The following TC2N variants were observed in gnomAD, a reference collection of about 807,000 sequenced individuals.
TC2N encodes the protein tandem C2 domains, nuclear.
In TC2N, 51 loss-of-function variants were observed where a neutral mutation model predicts 61.9. The observed-to-expected ratio is 0.82, with a 90% CI of 0.66 to 1.04. The LOEUF (loss-of-function observed/expected upper bound fraction) is 1.04. TC2N is among the 50% of genes least tolerant of loss of function. TC2N has a pLI of 0.00. For synonymous variants in TC2N, 204 were observed against 192.6 expected, an observed-to-expected ratio of 1.06 and a Z score of -0.49; for missense variants, 556 against 566.7, an observed-to-expected ratio of 0.98 and a Z score of 0.19.
chr14:91,815,349 T>TGAATAA (rs528757472), intron 1 of TC2N, among the ~76,000 whole-genome samples: 2,282 of 151,712 alleles, frequency 0.015, 52 homozygotes, highest in African/African-American at 0.05. Flanking sequence ...AACTGCATAC[T>TGAATAA]TCATGAATTA....
At chr14:91,835,780 T>G (rs1336459702) in intron 1 of TC2N, among the ~76,000 whole-genome samples, 1 of 152,246 alleles carries the variant, frequency 6.6e-6, no homozygotes, top group Non-Finnish European at 1.5e-5. Flanking sequence ...AAAAACCCTC[T>G]GCGAAGCTCT....
intron 4 of TC2N, among the ~76,000 whole-genome samples, chr14:91,801,040 A>G (rs770834234): frequency 1.1e-4 from 17 of 150,294 alleles, no homozygotes; most frequent in Non-Finnish European, 3.0e-5. Flanking sequence ...ACATATGTAT[A>G]CATATATACA....
Position 91,782,994 on chromosome 14 carries a change from T to C in TC2N, c.*106A>G, listed in dbSNP as rs1595214947. ...TTATATACCATAATTATAGCCCCCA[T>C]AAATTGACAAATTTGTTGATTTGCC... On this transcript the variant is annotated 3_prime_UTR_variant, in exon 12 of 12. Coordinates refer to ENST00000435962, the MANE Select transcript of TC2N (RefSeq NM_001128596.3). 1.4e-6 allele frequency: 1 copy of C among 706,216 alleles called. No individual in the cohort carries two copies. Among genetic ancestry groups the C allele is most frequent in the South Asian group, 1.8e-5 (1 of 54,744 alleles). 43.7% of individuals were successfully genotyped at this position (706,216 alleles called of 1,614,324 possible).
At chr14:91,793,714 G>A (rs1177000303) in intron 8 of TC2N, among the ~76,000 whole-genome samples, 5 of 152,088 alleles carry the variant, frequency 3.3e-5, no homozygotes, top group African/African-American at 1.2e-4. Context: ...GACGGCTCTG[G>A]CAACCAGCTG....
intron 1 of TC2N, among the ~76,000 whole-genome samples, chr14:91,841,976 C>CT (rs10682178): frequency 0.71 from 89,048 of 125,624 alleles, 33,710 homozygotes; most frequent in South Asian, 0.82. Flanking sequence ...TCCCTTCCAC[C>CT]TTTTTTTTTT....
intron 1 of TC2N, among the ~76,000 whole-genome samples, chr14:91,828,200 T>C (rs1887584813): frequency 6.6e-6 from 1 of 152,166 alleles, no homozygotes; most frequent in Non-Finnish European, 1.5e-5. Flanking sequence ...TTTTATATTT[T>C]TTTGTGAAAA....
intron 1 of TC2N, among the ~76,000 whole-genome samples, chr14:91,865,871 G>C (rs952933878): frequency 1.3e-5 from 2 of 151,940 alleles, no homozygotes; most frequent in South Asian, 4.2e-4. Flanking sequence ...CTGGCTAAAG[G>C]TGTTATTAAA....
At chr14:91,840,997 A>G (rs1159709165) in intron 1 of TC2N, among the ~76,000 whole-genome samples, 3 of 152,222 alleles carry the variant, frequency 2.0e-5, no homozygotes, top group Admixed American at 2.0e-4. Context: ...TCATAGCACT[A>G]AAAGGCTGAC....
chr14:91,858,214 A>G (rs1263314915), intron 1 of TC2N, among the ~76,000 whole-genome samples: 11 of 146,162 alleles, frequency 7.5e-5, no homozygotes, highest in Non-Finnish European at 1.0e-4. Flanking sequence ...GCTGGTCTCA[A>G]ACCCCTGGCC....
Position 91,837,680 on chromosome 14 carries a change from T to TG in TC2N, c.-56-23856dup, listed in dbSNP as rs1888073421. Among the ~76,000 whole-genome samples the TG allele has an allele frequency of 6.6e-6, 1 of 152,154 alleles. No individual in the cohort carries two copies. Among genetic ancestry groups the TG allele is most frequent in the Non-Finnish European group, 1.5e-5 (1 of 68,018 alleles). On this transcript the variant is annotated intron_variant, in intron 1 of 11. Coordinates refer to ENST00000435962, the MANE Select transcript of TC2N (RefSeq NM_001128596.3). The surrounding 1 kb of genome is among the most constrained non-coding windows in gnomAD (Gnocchi z 4.2). ...GGTAGATCACCAGATCACATTAATG[T>TG]GGGGGAGAGAGACACAAAATATTTG...
intron 3 of TC2N, among the ~76,000 whole-genome samples, chr14:91,804,217 T>C (rs1294049654): frequency 6.6e-6 from 1 of 152,212 alleles, no homozygotes; most frequent in African/African-American, 2.4e-5. Flanking sequence ...TAGAGGAATG[T>C]AAACGATCAT....
At chr14:91,786,413 T>C (rs1197579608) in intron 10 of TC2N, among the ~76,000 whole-genome samples, 3 of 152,224 alleles carry the variant, frequency 2.0e-5, no homozygotes, top group African/African-American at 4.8e-5. Context: ...TTCCATCTTC[T>C]TTTCATGCTT....
chr14:91,820,396 C>A (rs547925611), intron 1 of TC2N, among the ~76,000 whole-genome samples: 4 of 151,590 alleles, frequency 2.6e-5, no homozygotes, highest in Non-Finnish European at 4.4e-5. Context: ...TCAATAGATA[C>A]AAAAATTTGA....
rs772597714 is a variant in TC2N, at chr14:91,785,241, A to G, written c.1283T>C (p.Ile428Thr). The G allele has an allele frequency of 9.9e-6, 16 of 1,612,842 alleles. No individual in the cohort carries two copies. In the Middle Eastern group the frequency reaches 6.6e-4, roughly 66 times the overall value. The change falls in exon 11 of 12, where the codon ATA becomes ACA. Residue 428 changes from isoleucine to threonine, a missense_variant. Transcript: ENST00000435962. Reference sequence around the variant, plus strand: ...AAAAACAATTTCTTTTTCACTCTGTATAAGTGGAAAAATCATAGTCTCTCC... The same window carrying G: ...AAAAACAATTTCTTTTTCACTCTGTGTAAGTGGAAAAATCATAGTCTCTCC... ...KWGETMIFPL[I>T]QSEKEIVFLI... is the part of the protein sequence containing the mutation.
At chr14:91,807,970 A>G (rs1193471668) in intron 3 of TC2N, among the ~76,000 whole-genome samples, 2 of 152,108 alleles carry the variant, frequency 1.3e-5, no homozygotes, top group Non-Finnish European at 2.9e-5. Flanking sequence ...GTGATAGTGA[A>G]TAAGTCTCAG....
chr14:91,783,155 G>T lies in TC2N; in HGVS notation c.1418C>A (p.Thr473Lys). ...NIEAVNQWKE[T>K]VINPEKVVIR... ...AACAACCTTTTCTGGATTTATTACT[G>T]TCTCTTTCCACTGGTTCACTGCTTC... Residue 473 changes from threonine (T) to lysine (K), a missense_variant, in exon 12 of 12, where the codon ACA becomes AAA. Thr to Lys is a moderately conservative substitution (Grantham distance 78). Coordinates refer to ENST00000435962, the MANE Select transcript of TC2N (RefSeq NM_001128596.3). The T allele has an allele frequency of 6.2e-7, 1 of 1,611,810 alleles. No individual in the cohort carries two copies. The highest frequency in any genetic ancestry group is 8.5e-7 in the Non-Finnish European group (1 of 1,178,616).
At chr14:91,832,967 T>C (rs1887848187) in intron 1 of TC2N, among the ~76,000 whole-genome samples, 1 of 152,166 alleles carries the variant, frequency 6.6e-6, no homozygotes, top group African/African-American at 2.4e-5. Context: ...AGCAAAGCCA[T>C]AGGATTCACA....
At chr14:91,816,872 T>G (rs750904754) in intron 1 of TC2N, among the ~76,000 whole-genome samples, 1 of 151,962 alleles carries the variant, frequency 6.6e-6, no homozygotes, top group Non-Finnish European at 1.5e-5. Flanking sequence ...CTTCAATTGT[T>G]CTGTCTATTC....
At chr14:91,814,760 A>C (rs192862789) in intron 1 of TC2N, among the ~76,000 whole-genome samples, 1 of 151,826 alleles carries the variant, frequency 6.6e-6, no homozygotes, top group African/African-American at 2.4e-5. Flanking sequence ...AGTTTTGATA[A>C]GAGAAATAGG....
Sources: allele counts gnomAD v4.1 joint callset (sites outside exome capture counted in the v4.1 genomes callset), GRCh38; gene constraint gnomAD v4.1.1; non-coding constraint Gnocchi (gnomAD v3.1); transcripts MANE v1.5; gene names NCBI Gene and HGNC (gene_info 2026-07-23, HGNC 2026-07-21).